The following ALDH16A1 variants were observed in gnomAD, a reference collection of about 807,000 sequenced individuals.
The protein encoded by ALDH16A1 is aldehyde dehydrogenase 16 family member A1.
In ALDH16A1, 88 loss-of-function variants were observed where a neutral mutation model predicts 96.1. The ratio of observed to expected loss-of-function variants is 0.92; its 90% confidence interval spans 0.77 to 1.09. ALDH16A1 has a LOEUF of 1.09. Among genes scored for constraint, ALDH16A1 ranks in the 50% least tolerant of loss-of-function variants. The probability of loss-of-function intolerance (pLI) is 0.00; values close to 1 mark genes in which losing one functional copy is unlikely to be tolerated. For missense variants in ALDH16A1, 1,250 were observed against 1,112.6 expected (o/e 1.12, Z -1.76); for synonymous variants, 522 against 496.4 (o/e 1.05, Z -0.69).
chr19:49,457,258 G>T (rs1168514494), intron 1 of ALDH16A1, among the ~76,000 whole-genome samples: 1 of 151,278 alleles, frequency 6.6e-6, no homozygotes, highest in Non-Finnish European at 1.5e-5. Context: ...AAGAAATATG[G>T]AGGAGAAGTC....
chr19:49,470,793 C>G lies in ALDH16A1; in HGVS notation c.*326C>G. 9.1e-6 allele frequency: 2 copies of G among 218,652 alleles called. No individual in the cohort carries two copies. The highest frequency in any genetic ancestry group is 1.2e-4 in the South Asian group (1 of 8,066). The allele number at this position is 218,652 out of a possible 1,614,324, so 13.5% of individuals were successfully genotyped here. A position where few individuals can be genotyped will look rare whatever the true frequency, so the allele number is the denominator to read the frequency against. ...CCTCATATGTAGCTGGGGCCACAGA[C>G]ATGCACCACCACACCTGGCTCGAGG... is the stretch of plus-strand genomic sequence containing the variant. On this transcript the variant is annotated 3_prime_UTR_variant, in exon 17 of 17. Coordinates refer to ENST00000293350, the MANE Select transcript of ALDH16A1 (RefSeq NM_153329.4).
At chr19:49,453,890 C>T (rs927443564) in intron 1 of ALDH16A1, among the ~76,000 whole-genome samples, 2 of 152,068 alleles carry the variant, frequency 1.3e-5, no homozygotes, top group African/African-American at 4.8e-5. Flanking sequence ...CCTTTGATTA[C>T]CCAGAGACCT....
At position 49,468,974 on chromosome 19, in the gene ALDH16A1, C is replaced by T. The variant is rs369937737; in HGVS notation, c.2235C>T (p.Phe745=). ...AAGACGTCCAGGCCATGTGGTATTT[C>T]GGATCAGCCCAGGTGCTCTTTGTTC... ...LHQDVQAMWY[F]GSAQGSQFVE... Residue 745 remains phenylalanine, a synonymous_variant, in exon 16 of 17, where the codon TTC becomes TTT. Coordinates refer to ENST00000293350, the MANE Select transcript of ALDH16A1 (RefSeq NM_153329.4). The surrounding 1 kb of genome is among the most constrained non-coding windows in gnomAD (Gnocchi z 4.4). 6 of 1,612,598 alleles carry T rather than the reference C, an allele frequency of 3.7e-6. No individual in the cohort carries two copies. Among genetic ancestry groups the T allele is most frequent in the Middle Eastern group, 1.6e-4 (1 of 6,078 alleles).
Position 49,464,680 on chromosome 19 carries a change from T to A in ALDH16A1, c.1486T>A (p.Cys496Ser). 6.2e-7 allele frequency: 1 copy of A among 1,614,194 alleles called. No individual in the cohort carries two copies. The highest frequency in any genetic ancestry group is 8.5e-7 in the Non-Finnish European group (1 of 1,180,032). The change falls in exon 12 of 17, where the codon TGC becomes AGC. Residue 496 changes from cysteine to serine, a missense_variant. Coordinates refer to ENST00000293350, the MANE Select transcript of ALDH16A1 (RefSeq NM_153329.4). ...RPSGTPARLS[C>S]LSKNLNYDTF... Reference sequence around the variant, plus strand: ...CTCAGGGACCCCTGCCCGGCTGTCCTGCCTCTCCAAGAACCTGAACTATGA... The same window carrying A: ...CTCAGGGACCCCTGCCCGGCTGTCCAGCCTCTCCAAGAACCTGAACTATGA...
rs375681810 is a variant in ALDH16A1 at position 49,470,332 on chromosome 19, G to C, written c.2274G>C (p.Ser758=). ...GTTCCCAGTTTGTCGAGTGGGCCTC[G>C]GCAGGAAACCTCAAACCGGTGTGGG... ...AQGSQFVEWA[S]AGNLKPVWAS... is the part of the protein sequence containing the mutation. Residue 758 remains serine, a synonymous_variant, in exon 17 of 17, where the codon TCG becomes TCC. Transcript: ENST00000293350. 8 of 1,613,286 alleles carry C rather than the reference G, an allele frequency of 5.0e-6. No homozygotes were observed. The highest frequency in any genetic ancestry group is 6.8e-6 in the Non-Finnish European group (8 of 1,179,834).
rs1292273111 is a variant in ALDH16A1 at position 49,459,262 on chromosome 19, C to T, written c.320+176C>T. Among the ~76,000 whole-genome samples the T allele has an allele frequency of 6.6e-6, 1 of 152,234 alleles. No homozygotes were observed. Among genetic ancestry groups the T allele is most frequent in the Admixed American group, 6.5e-5 (1 of 15,286 alleles). ...AAACATGCATCCGTTGTCCACTATT[C>T]ACTGGGACTAGAAGCCACAAAGCCT... On this transcript the variant is annotated intron_variant, in intron 3 of 16. Coordinates refer to ENST00000293350, the MANE Select transcript of ALDH16A1 (RefSeq NM_153329.4). The surrounding 1 kb of genome is among the most constrained non-coding windows in gnomAD (Gnocchi z 4.1).
rs905576520 is a variant in ALDH16A1 at position 49,459,248 on chromosome 19, C to T, written c.320+162C>T. On this transcript the variant is annotated intron_variant, in intron 3 of 16. Coordinates refer to ENST00000293350, the MANE Select transcript of ALDH16A1 (RefSeq NM_153329.4). This position sits in a 1 kb window ranked among gnomAD's most constrained non-coding sequence, Gnocchi z 4.1. ...GGCAGTCGTGGCTGAAACATGCATC[C>T]GTTGTCCACTATTCACTGGGACTAG... Among the ~76,000 whole-genome samples, 3 of 152,198 alleles carry T rather than the reference C, an allele frequency of 2.0e-5. No homozygotes were observed. Among genetic ancestry groups the T allele is most frequent in the South Asian group, 2.1e-4 (1 of 4,832 alleles).
Position 49,466,085 on chromosome 19 carries a change from G to T in ALDH16A1, c.1740G>T (p.Trp580Cys), listed in dbSNP as rs1413766557. Reference sequence around the variant, plus strand: ...ACTGTGCGCTGTCTGCCCACAGCTGGGCGGGCCAGTCCCCAGGAGCCCGGG... The same window carrying T: ...ACTGTGCGCTGTCTGCCCACAGCTGTGCGGGCCAGTCCCCAGGAGCCCGGG... Reference protein sequence around the residue: ...VEAAHQAFPGWAGQSPGARAA... With the variant: ...VEAAHQAFPGCAGQSPGARAA... The change falls in exon 14 of 17, where the codon TGG becomes TGT. Residue 580 changes from tryptophan (W) to cysteine (C), a missense_variant. Coordinates refer to ENST00000293350, the MANE Select transcript of ALDH16A1 (RefSeq NM_153329.4). 10 of 1,542,134 alleles carry T rather than the reference G, an allele frequency of 6.5e-6. No homozygotes were observed. Among genetic ancestry groups the T allele is most frequent in the Non-Finnish European group, 8.7e-6 (10 of 1,147,428 alleles).
chr19:49,458,358 A>C, intron 1 of ALDH16A1, 128 bp from the exon 2 acceptor site: 1 of 695,558 alleles, frequency 1.4e-6, no homozygotes, highest in Non-Finnish European at 2.5e-6. Flanking sequence ...TTTTAAAGCA[A>C]TAGGAGGAAA....
At position 49,464,540 on chromosome 19, in the gene ALDH16A1, C is replaced by G; in HGVS notation, c.1437+18C>G. On this transcript the variant is annotated intron_variant, in intron 11 of 16. Coordinates refer to ENST00000293350, the MANE Select transcript of ALDH16A1 (RefSeq NM_153329.4). ...GCCCAGACGTGAGTACATCCCCTCC[C>G]CGTCACCAGCCCCCCCGCCGCCCCA... 6.2e-7 allele frequency: 1 copy of G among 1,613,492 alleles called. No homozygotes were observed. The highest frequency in any genetic ancestry group is 8.5e-7 in the Non-Finnish European group (1 of 1,179,612).
At position 49,461,779 on chromosome 19, in the gene ALDH16A1, G is replaced by A. The variant is rs1174449572; in HGVS notation, c.738G>A (p.Val246=). Residue 246 remains valine (V), a synonymous_variant, in exon 6 of 17, where the codon GTG becomes GTA. Coordinates refer to ENST00000293350, the MANE Select transcript of ALDH16A1 (RefSeq NM_153329.4). The stretch of plus-strand genomic sequence containing the variant: ...CCTCCCAGCCTGGAATCCGGAAGGT[G>A]GCCTTCTGCGGAGCCCCGGAGGTAC... ...ILASQPGIRK[V]AFCGAPEEGR... 6.2e-7 allele frequency: 1 copy of A among 1,611,266 alleles called. No individual in the cohort carries two copies.
intron 1 of ALDH16A1, among the ~76,000 whole-genome samples, chr19:49,455,311 G>A (rs1407334490): frequency 2.6e-5 from 4 of 151,794 alleles, no homozygotes; most frequent in Non-Finnish European, 4.4e-5. Flanking sequence ...AGCTACTTGG[G>A]AGGCTGGGGC....
rs575721561 is a variant in ALDH16A1 at position 49,461,983 on chromosome 19, G to A, written c.859G>A (p.Val287Ile). 2.5e-5 allele frequency: 39 copies of A among 1,551,622 alleles called. No homozygotes were observed. The highest frequency in any genetic ancestry group is 3.1e-5 in the Non-Finnish European group (36 of 1,151,908). ...SLLLLTDTAD[V>I]DSAVEGVVDA... ...GCTGCTGCTGACGGACACGGCGGAC[G>A]TAGACTCGGCCGTGGAGGGTGTCGT... is the stretch of plus-strand genomic sequence containing the variant. Residue 287 changes from valine to isoleucine, a missense_variant, in exon 7 of 17, where the codon GTA (valine) becomes ATA (isoleucine). Val to Ile is a conservative substitution (Grantham distance 29). Coordinates refer to ENST00000293350, the MANE Select transcript of ALDH16A1 (RefSeq NM_153329.4).
intron 1 of ALDH16A1, 71 bp downstream of exon 1, chr19:49,453,492 T>C: frequency 7.2e-7 from 1 of 1,386,616 alleles, no homozygotes; most frequent in Admixed American, 2.3e-5. Context: ...TCGCGGGGAG[T>C]CCCGTCATCC....
At chr19:49,465,119 A>T (rs998113257) in intron 12 of ALDH16A1, among the ~76,000 whole-genome samples, 8 of 147,094 alleles carry the variant, frequency 5.4e-5, no homozygotes, top group East Asian at 2.1e-4. Flanking sequence ...TCATGGGAGC[A>T]GGAGTTTGAG....
rs545759135 is a variant in ALDH16A1 at position 49,457,603 on chromosome 19, TGTG to T, written c.91-880_91-878del. On this transcript the variant is annotated intron_variant, in intron 1 of 16. Coordinates refer to ENST00000293350, the MANE Select transcript of ALDH16A1 (RefSeq NM_153329.4). ...TATGGAGGAGATGTGGTGAGTGAGA[TGTG>T]GTAAAAAAATTTTTTTTCTTTGAGA... Among the ~76,000 whole-genome samples the T allele has an allele frequency of 2.3e-4, 35 of 149,644 alleles. 1 individual carries two copies. The highest frequency in any genetic ancestry group is 2.1e-3 in the Admixed American group (31 of 15,036).
intron 6 of ALDH16A1, 30 bp downstream of exon 6, chr19:49,461,830 C>A: frequency 2.5e-6 from 4 of 1,604,462 alleles, no homozygotes; most frequent in South Asian, 1.1e-5. Flanking sequence ...CGTGGCGGAA[C>A]GCGGCTGGGG....
intron 14 of ALDH16A1, among the ~76,000 whole-genome samples, 195 bp downstream of exon 14, chr19:49,466,478 T>C (rs1406954280): frequency 1.3e-5 from 2 of 152,162 alleles, no homozygotes; most frequent in Non-Finnish European, 2.9e-5. Context: ...ACCCGCCTCG[T>C]AGAGTAGCGT....
intron 14 of ALDH16A1, among the ~76,000 whole-genome samples, chr19:49,466,726 G>A (rs901593124): frequency 1.3e-5 from 2 of 151,790 alleles, no homozygotes; most frequent in Admixed American, 1.3e-4. Context: ...TGGGTACGGT[G>A]GTGGGCACCT....
Sources: allele counts gnomAD v4.1 joint callset (sites outside exome capture counted in the v4.1 genomes callset), GRCh38; gene constraint gnomAD v4.1.1; non-coding constraint Gnocchi (gnomAD v3.1); transcripts MANE v1.5; gene names NCBI Gene and HGNC (gene_info 2026-07-23, HGNC 2026-07-21).